TAF5: variants seen among roughly 807,000 people sequenced by gnomAD.
The protein encoded by TAF5 is transcription initiation factor TFIID subunit 5.
In TAF5, 20 loss-of-function variants were observed where a neutral mutation model predicts 80.9. The observed-to-expected ratio is 0.25, with a 90% CI of 0.17 to 0.36. The LOEUF is 0.36. TAF5 is among the 10% of genes least tolerant of loss of function. TAF5 has a pLI of 1.00. For synonymous variants in TAF5, 388 were observed against 406.4 expected, an observed-to-expected ratio of 0.95 and a Z score of 0.55; for missense variants, 863 against 1,029.4, an observed-to-expected ratio of 0.84 and a Z score of 2.21.
At chr10:103,381,918 A>C (rs560764577) in intron 6 of TAF5, 77 bp downstream of exon 6, 95 of 1,557,970 alleles carry the variant, frequency 6.1e-5, no homozygotes, top group Non-Finnish European at 8.0e-5. Flanking sequence ...AATACACAGG[A>C]GATTGTGTTC....
In TAF5 at chr10:103,388,581, T is replaced by C; in HGVS notation, c.*358T>C. 1 of 174,360 alleles carries C rather than the reference T, an allele frequency of 5.7e-6. No homozygotes were observed. The highest frequency in any genetic ancestry group is 1.4e-4 in the South Asian group (1 of 7,058). 10.8% of individuals were successfully genotyped at this position (174,360 alleles called of 1,614,324 possible). On this transcript the variant is annotated 3_prime_UTR_variant, in exon 11 of 11. Transcript: ENST00000369839. ...TCAAGATTCAAATTCAGAAATATAC[T>C]ATCATCTTGAATTTTAGCTGAAGAA...
At chr10:103,382,637 GT>G (rs1003076222) in intron 6 of TAF5, among the ~76,000 whole-genome samples, 366 of 144,492 alleles carry the variant, frequency 2.5e-3, no homozygotes, top group East Asian at 9.2e-3. Context: ...ATTTCCATAG[GT>G]TTTTTTTTTT....
chr10:103,387,731 CTA>C, intron 10 of TAF5, 33 bp downstream of exon 10: 1 of 1,584,804 alleles, frequency 6.3e-7, no homozygotes, highest in Non-Finnish European at 8.6e-7. Flanking sequence ...ACGATAAATG[CTA>C]TGTTAAGAGG....
chr10:103,387,030 C>T, intron 8 of TAF5, 145 bp from the exon 9 acceptor site: 1 of 700,496 alleles, frequency 1.4e-6, no homozygotes, highest in Non-Finnish European at 2.2e-6. Flanking sequence ...TCTCATTTTT[C>T]TTCCCCTCAG....
intron 6 of TAF5, among the ~76,000 whole-genome samples, chr10:103,382,891 G>C (rs962131837): frequency 6.6e-6 from 1 of 152,086 alleles, no homozygotes; most frequent in Non-Finnish European, 1.5e-5. Flanking sequence ...CAAGCAATCT[G>C]CCCGCCTTGG....
At chr10:103,380,103 C>A in intron 5 of TAF5, 84 bp downstream of exon 5, 3 of 1,429,488 alleles carry the variant, frequency 2.1e-6, no homozygotes, top group South Asian at 1.4e-5. Flanking sequence ...AATGTATTAG[C>A]TAAAATGGAG....
At position 103,372,844 on chromosome 10, in the gene TAF5, C is replaced by T. The variant is rs1285696137; in HGVS notation, c.560-514C>T. 3.3e-5 allele frequency among the ~76,000 whole-genome samples: 5 copies of T among 150,660 alleles called. 1 individual carries two copies. The highest frequency in any genetic ancestry group is 9.7e-5 in the African/African-American group (4 of 41,056). On this transcript the variant is annotated intron_variant, in intron 1 of 10. Coordinates refer to ENST00000369839, the MANE Select transcript of TAF5 (RefSeq NM_006951.5). ...CCGAGATGGGGAGGTTGCAGTGAGC[C>T]GAGATTGTGCATTGCACTACAGCCT...
At chr10:103,372,078 A>C (rs760587568) in intron 1 of TAF5, among the ~76,000 whole-genome samples, 2 of 151,482 alleles carry the variant, frequency 1.3e-5, no homozygotes, top group Non-Finnish European at 2.9e-5. Flanking sequence ...CTGGGATTAC[A>C]GGCACGTCTC....
intron 8 of TAF5, among the ~76,000 whole-genome samples, 156 bp downstream of exon 8, chr10:103,385,646 C>T (rs867306200): frequency 7.2e-5 from 11 of 151,836 alleles, no homozygotes; most frequent in Non-Finnish European, 1.3e-4. Flanking sequence ...AAATTGGGGC[C>T]GGGCGCAGTG....
intron 5 of TAF5, among the ~76,000 whole-genome samples, chr10:103,380,658 A>G (rs1428512612): frequency 6.6e-6 from 1 of 150,564 alleles, no homozygotes; most frequent in African/African-American, 2.4e-5. Context: ...GCTGTCACCT[A>G]GGGTGGAGTG....
At chr10:103,375,119 C>CAAAAAAAAA (rs914374305) in intron 2 of TAF5, among the ~76,000 whole-genome samples, 6 of 80,644 alleles carry the variant, frequency 7.4e-5, no homozygotes, top group Non-Finnish European at 9.0e-5. Context: ...GACCCTGTCT[C>CAAAAAAAAA]AAAAAAAAAA....
chr10:103,383,451 T>C, intron 7 of TAF5, 84 bp downstream of exon 7: 1 of 1,331,366 alleles, frequency 7.5e-7, no homozygotes, highest in Non-Finnish European at 1.0e-6. Flanking sequence ...ATTATGCAAA[T>C]GCTGGGAAAA....
rs200004935 is a variant in TAF5, at chr10:103,385,368, G to A, written c.1707G>A (p.Leu569=). ...CTTCAGAGGACGGAACTGTTAGATTGTGGAGCCTTCAAACATTTACTTGTT... is the reference window on the plus strand; with the variant it reads ...CTTCAGAGGACGGAACTGTTAGATTATGGAGCCTTCAAACATTTACTTGTT... ...LSSSEDGTVR[L]WSLQTFTCLV... Residue 569 remains leucine (L), a synonymous_variant, in exon 8 of 11, where the codon TTG becomes TTA. Transcript: ENST00000369839. 1.1e-5 allele frequency: 18 copies of A among 1,613,878 alleles called. No individual in the cohort carries two copies. Among genetic ancestry groups the A allele is most frequent in the Admixed American group, 6.7e-5 (4 of 60,008 alleles).
chr10:103,373,862 G>A (rs2093365065), intron 2 of TAF5, among the ~76,000 whole-genome samples: 1 of 152,078 alleles, frequency 6.6e-6, no homozygotes, highest in Admixed American at 6.6e-5. Flanking sequence ...AAGAGAAGAG[G>A]GAAAAGCATG....
intron 8 of TAF5, among the ~76,000 whole-genome samples, chr10:103,386,300 G>A (rs189178782): frequency 5.3e-4 from 80 of 151,944 alleles, no homozygotes; most frequent in Non-Finnish European, 9.6e-4. Flanking sequence ...AAAATTAGCC[G>A]GGTGTGGTGG....
At chr10:103,373,071 C>A (rs747532218) in intron 1 of TAF5, among the ~76,000 whole-genome samples, 9 of 151,780 alleles carry the variant, frequency 5.9e-5, no homozygotes, top group Non-Finnish European at 1.3e-4. Context: ...GGCATGGTGG[C>A]ACACGCTTGT....
intron 6 of TAF5, among the ~76,000 whole-genome samples, chr10:103,382,335 A>G (rs2093384760): frequency 6.6e-6 from 1 of 151,964 alleles, no homozygotes; most frequent in South Asian, 2.1e-4. Context: ...TTCTTGTGTC[A>G]GCTCCCCAGC....
intron 6 of TAF5, 50 bp downstream of exon 6, chr10:103,381,891 A>G (rs753844840): frequency 6.2e-7 from 1 of 1,606,728 alleles, no homozygotes; most frequent in Non-Finnish European, 8.5e-7. Context: ...GTCTATACCA[A>G]TCTTGATTCC....
chr10:103,386,260 G>A (rs181445760), intron 8 of TAF5, among the ~76,000 whole-genome samples: 1 of 151,666 alleles, frequency 6.6e-6, no homozygotes, highest in African/African-American at 2.4e-5. Context: ...CCAACATGAC[G>A]AAACCCCGTC....
Sources: gnomAD v4.1 joint callset for allele counts (sites outside exome capture counted in the v4.1 genomes callset) on GRCh38, gnomAD v4.1.1 for gene constraint, MANE v1.5 for transcripts, NCBI Gene and HGNC (gene_info 2026-07-23, HGNC 2026-07-21) for gene names.